B3GALT1: variants seen among roughly 807,000 people sequenced by gnomAD.
The protein encoded by B3GALT1 is beta-1,3-galactosyltransferase 1.
A neutral mutation model predicts 23.2 loss-of-function variants in B3GALT1; 10 were observed. That is an observed-to-expected ratio of 0.43 (90% CI 0.27 to 0.73). The LOEUF (loss-of-function observed/expected upper bound fraction) is 0.73. Among genes scored for constraint, B3GALT1 ranks in the 30% least tolerant of loss-of-function variants. The pLI is 0.21. For missense variants in B3GALT1, 299 were observed against 405.4 expected (o/e 0.74, Z 2.25); for synonymous variants, 156 against 141.5 (o/e 1.10, Z -0.73).
At chr2:167,827,189 A>G (rs982065344) in intron 4 of B3GALT1, among the ~76,000 whole-genome samples, 23 of 152,164 alleles carry the variant, frequency 1.5e-4, no homozygotes, top group African/African-American at 5.3e-4. Context: ...TATTTCATCT[A>G]CTGCCCAAAA....
intron 3 of B3GALT1, among the ~76,000 whole-genome samples, chr2:167,737,285 ATTAG>A (rs1031848271): frequency 1.3e-5 from 2 of 152,202 alleles, no homozygotes; most frequent in African/African-American, 4.8e-5. Context: ...GTTTAATGAC[ATTAG>A]TTAATTTTCC....
chr2:167,561,546 G>C (rs1235036053), intron 2 of B3GALT1, among the ~76,000 whole-genome samples: 1 of 151,928 alleles, frequency 6.6e-6, no homozygotes, highest in Non-Finnish European at 1.5e-5. Flanking sequence ...CAACAAAATT[G>C]ATAGACCGCT....
At chr2:167,866,759 G>A (rs1193573477) in intron 4 of B3GALT1, among the ~76,000 whole-genome samples, 2 of 152,194 alleles carry the variant, frequency 1.3e-5, no homozygotes, top group Admixed American at 6.5e-5. Context: ...TCACAATGGA[G>A]TAGGAAAGTA....
intron 1 of B3GALT1, among the ~76,000 whole-genome samples, chr2:167,411,582 T>G (rs894503458): frequency 6.6e-6 from 1 of 152,050 alleles, no homozygotes; most frequent in Non-Finnish European, 1.5e-5. Context: ...GCTGGTGAGG[T>G]TGTAGAAAAG....
intron 1 of B3GALT1, among the ~76,000 whole-genome samples, chr2:167,486,435 G>A (rs570055957): frequency 1.3e-5 from 2 of 151,488 alleles, no homozygotes; most frequent in South Asian, 2.1e-4. Flanking sequence ...TTAAAGTACC[G>A]TATTTAGGCC....
Position 167,715,208 on chromosome 2 carries a change from G to A in B3GALT1, c.-352+68242G>A, listed in dbSNP as rs945211048. The stretch of plus-strand genomic sequence containing the variant: ...TTCTAATTCCAAGTTATCATCATCC[G>A]TTGTGTCTTCTTCAAGCACAGCAGC... On this transcript the variant is annotated intron_variant, in intron 3 of 4. Coordinates refer to ENST00000392690, the MANE Select transcript of B3GALT1 (RefSeq NM_020981.4). 7.8e-5 allele frequency: 126 copies of A among 1,613,882 alleles called. No individual in the cohort carries two copies. The East Asian group carries it at 1.6e-3, about 21-fold the overall frequency.
intron 2 of B3GALT1, among the ~76,000 whole-genome samples, chr2:167,628,366 C>G (rs1255532293): frequency 6.6e-6 from 1 of 151,556 alleles, no homozygotes; most frequent in African/African-American, 2.4e-5. Flanking sequence ...ATGATTGCAT[C>G]TACAGTCATT....
chr2:167,462,084 A>T lies in B3GALT1; in HGVS notation c.-510-28093A>T, dbSNP rs147018025. 2.4e-4 allele frequency among the ~76,000 whole-genome samples: 37 copies of T among 152,324 alleles called. 1 individual carries two copies. The East Asian group carries it at 6.9e-3, about 29-fold the overall frequency. ...AATTTGGGCAAGATGCACAATACAC[A>T]CCATTGTATATTTCCACAATAAAAA... On this transcript the variant is annotated intron_variant, in intron 1 of 4. Coordinates refer to ENST00000392690, the MANE Select transcript of B3GALT1 (RefSeq NM_020981.4).
chr2:167,310,954 C>G (rs574029224), intron 1 of B3GALT1, among the ~76,000 whole-genome samples: 1 of 152,100 alleles, frequency 6.6e-6, no homozygotes, highest in African/African-American at 2.4e-5. Context: ...GTGCTGTGGA[C>G]TGATTTGGGA....
chr2:167,361,362 C>T lies in B3GALT1; in HGVS notation c.-511+68028C>T, dbSNP rs562740871. ...ATGGGGAGTATATGACCAGTCGTAT[C>T]GTAAGAATCCAAGAAAATTCTCAAT... On this transcript the variant is annotated intron_variant, in intron 1 of 4. Coordinates refer to ENST00000392690, the MANE Select transcript of B3GALT1 (RefSeq NM_020981.4). Among the ~76,000 whole-genome samples the T allele has an allele frequency of 4.6e-5, 7 of 152,000 alleles. No homozygotes were observed. The South Asian group carries it at 1.2e-3, about 27-fold the overall frequency.
At chr2:167,767,906 A>G (rs1480782060) in intron 3 of B3GALT1, among the ~76,000 whole-genome samples, 3 of 152,142 alleles carry the variant, frequency 2.0e-5, no homozygotes, top group Non-Finnish European at 4.4e-5. Flanking sequence ...GACCCAGGGA[A>G]GCCTGTGGTG....
intron 2 of B3GALT1, among the ~76,000 whole-genome samples, chr2:167,634,941 A>G (rs1488601705): frequency 6.6e-6 from 1 of 152,186 alleles, no homozygotes; most frequent in Non-Finnish European, 1.5e-5. Context: ...ATCAATGCAA[A>G]AATCCTGTAT....
At chr2:167,629,098 G>A (rs1529309) in intron 2 of B3GALT1, among the ~76,000 whole-genome samples, 13,139 of 151,664 alleles carry the variant, frequency 0.087, 1,089 homozygotes, top group East Asian at 0.4. Context: ...ACGGATTGGA[G>A]CAGAGGTATG....
chr2:167,627,629 A>T (rs1685369680), intron 2 of B3GALT1, among the ~76,000 whole-genome samples: 1 of 151,704 alleles, frequency 6.6e-6, no homozygotes, highest in East Asian at 1.9e-4. Context: ...AGCTGCTATA[A>T]ATATTTGTGT....
intron 4 of B3GALT1, among the ~76,000 whole-genome samples, chr2:167,853,446 TGTA>T (rs1689942401): frequency 6.6e-6 from 1 of 152,140 alleles, no homozygotes. Context: ...CTATTTCAAT[TGTA>T]GTATCATACA....
chr2:167,748,289 A>C (rs917192264), intron 3 of B3GALT1, among the ~76,000 whole-genome samples: 3 of 152,054 alleles, frequency 2.0e-5, no homozygotes, highest in African/African-American at 7.2e-5. Context: ...TTTCATGCAG[A>C]TCACCTAAGG....
At chr2:167,467,993 T>C (rs1699372412) in intron 1 of B3GALT1, among the ~76,000 whole-genome samples, 1 of 152,158 alleles carries the variant, frequency 6.6e-6, no homozygotes, top group Admixed American at 6.6e-5. Context: ...TTGGTGATAG[T>C]GCTTGAAAGA....
chr2:167,794,613 A>C (rs989657380), intron 3 of B3GALT1, among the ~76,000 whole-genome samples: 10 of 152,340 alleles, frequency 6.6e-5, no homozygotes, highest in South Asian at 2.1e-4. Context: ...CTCAACCTTG[A>C]AATTTATACA....
chr2:167,578,385 CACACTGTCTTCA>C (rs1348791964), intron 2 of B3GALT1, among the ~76,000 whole-genome samples: 2 of 151,910 alleles, frequency 1.3e-5, no homozygotes, highest in African/African-American at 4.8e-5. Flanking sequence ...ACCCCAGACC[CACACTGTCTTCA>C]TTAGTGTTAC....
Sources: allele counts gnomAD v4.1 joint callset (sites outside exome capture counted in the v4.1 genomes callset), GRCh38; gene constraint gnomAD v4.1.1; transcripts MANE v1.5; gene names NCBI Gene and HGNC (gene_info 2026-07-23, HGNC 2026-07-21).